PDZD9: variants seen among roughly 807,000 people sequenced by gnomAD.
PDZD9 encodes the protein PDZ domain-containing protein 9.
Under a neutral mutation model 16.3 loss-of-function variants are expected in PDZD9, and 13 were observed. That is an observed-to-expected ratio of 0.80 (90% CI 0.52 to 1.27). PDZD9 has a LOEUF of 1.27. Among genes scored for constraint, PDZD9 ranks in the 50% most tolerant of loss-of-function variants. The probability of loss-of-function intolerance (pLI) is 0.00; values close to 1 mark genes in which losing one functional copy is unlikely to be tolerated. For missense variants in PDZD9, 288 were observed against 310.9 expected (o/e 0.93, Z 0.55); for synonymous variants, 120 against 111.0 (o/e 1.08, Z -0.51).
the PDZD9 span, among the ~76,000 whole-genome samples, chr16:21,970,702 C>T: frequency 6.6e-6 from 1 of 152,202 alleles, no homozygotes; most frequent in Non-Finnish European, 1.5e-5. Flanking sequence ...TCTCCGGCCT[C>T]AGCCTCCCGA....
At chr16:21,982,189 T>C (rs1013731250), downstream of PDZD9, among the ~76,000 whole-genome samples, 7 of 152,086 alleles carry the variant, frequency 4.6e-5, no homozygotes, top group Non-Finnish European at 1.0e-4. Flanking sequence ...CCTATCATTA[T>C]GTGCGTCCCA....
At chr16:21,970,334 G>A in the PDZD9 span, among the ~76,000 whole-genome samples, 32 of 152,236 alleles carry the variant, frequency 2.1e-4, no homozygotes, top group African/African-American at 7.7e-4. Context: ...AGGACATATG[G>A]TAACTCTGTT....
chr16:21,990,317 C>T (rs1321955386), intron 2 of PDZD9, among the ~76,000 whole-genome samples: 1 of 152,106 alleles, frequency 6.6e-6, no homozygotes, highest in Non-Finnish European at 1.5e-5. Flanking sequence ...TGAAGCCTAA[C>T]CTCAAAGAAG....
intron 3 of PDZD9, among the ~76,000 whole-genome samples, chr16:21,987,166 A>G (rs1487516670): frequency 6.6e-6 from 1 of 152,190 alleles, no homozygotes; most frequent in African/African-American, 2.4e-5. Flanking sequence ...CATGCCTGTA[A>G]TCCAACACTT....
the PDZD9 span, among the ~76,000 whole-genome samples, chr16:21,964,390 C>A: frequency 2.6e-5 from 4 of 152,122 alleles, no homozygotes. Context: ...ACGGCCATTA[C>A]AGTGATCCTT....
downstream of PDZD9, chr16:21,983,330 A>G (rs1597972967): frequency 1.2e-5 from 7 of 594,696 alleles, no homozygotes; most frequent in East Asian, 2.1e-4. Context: ...CCTAAAGTCA[A>G]TAAAACATTC....
chr16:21,961,444 CA>C, the PDZD9 span: 7 of 260,452 alleles, frequency 2.7e-5, no homozygotes, highest in East Asian at 2.4e-4. Context: ...TGTGAACAAG[CA>C]AGTTTCAAGA....
At chr16:21,962,385 G>T in the PDZD9 span, 1 of 1,540,354 alleles carries the variant, frequency 6.5e-7, no homozygotes, top group Non-Finnish European at 8.9e-7. Flanking sequence ...CAAAGGAATT[G>T]GTTGATAGAA....
At chr16:21,975,327 G>GATCTT in the PDZD9 span, among the ~76,000 whole-genome samples, 3 of 152,150 alleles carry the variant, frequency 2.0e-5, no homozygotes, top group East Asian at 5.8e-4. Context: ...GGAAGAATAA[G>GATCTT]GATAGTGAGA....
At chr16:21,995,267 G>C (rs939695215) in intron 2 of PDZD9, 1 of 456,828 alleles carries the variant, frequency 2.2e-6, no homozygotes, top group Admixed American at 2.4e-5. Context: ...TGCCATGATT[G>C]TAAGTTTCCT....
At chr16:21,980,728 A>G, downstream of PDZD9, 2 of 1,611,256 alleles carry the variant, frequency 1.2e-6, no homozygotes, top group Non-Finnish European at 1.7e-6. Context: ...TAACGATTTA[A>G]CAACAGAGAA....
At chr16:21,988,076 C>T (rs1183687771) in intron 3 of PDZD9, among the ~76,000 whole-genome samples, 7 of 139,230 alleles carry the variant, frequency 5.0e-5, no homozygotes, top group South Asian at 2.2e-4. Context: ...GGTGCGATCT[C>T]GGCTCACTGC....
chr16:21,973,061 C>T, the PDZD9 span, among the ~76,000 whole-genome samples: 1 of 152,198 alleles, frequency 6.6e-6, no homozygotes, highest in Non-Finnish European at 1.5e-5. Flanking sequence ...GATCGTGCCA[C>T]TGCACTCCAG....
At chr16:22,000,972 C>T (rs1363104206) in intron 1 of PDZD9, 45 bp downstream of exon 1, 5 of 1,525,592 alleles carry the variant, frequency 3.3e-6, no homozygotes, top group South Asian at 2.4e-5. Context: ...TTGACGAAGG[C>T]TTGGTCCCCA....
the PDZD9 span, chr16:21,971,755 A>G: frequency 7.6e-7 from 1 of 1,317,942 alleles, no homozygotes; most frequent in East Asian, 2.4e-5. Context: ...TGGGTGTTGT[A>G]TTTTGAGCAT....
downstream of PDZD9, among the ~76,000 whole-genome samples, chr16:21,981,239 C>G (rs1898719564): frequency 6.6e-6 from 1 of 151,966 alleles, no homozygotes; most frequent in Non-Finnish European, 1.5e-5. Flanking sequence ...TATTATTGTT[C>G]CCTACAATAT....
chr16:21,974,204 G>T, the PDZD9 span, among the ~76,000 whole-genome samples: 2 of 152,140 alleles, frequency 1.3e-5, no homozygotes, highest in African/African-American at 2.4e-5. Flanking sequence ...TTTTGGTTCT[G>T]GTTGGACAAG....
At chr16:21,965,336 C>G in the PDZD9 span, 1 of 1,443,802 alleles carries the variant, frequency 6.9e-7, no homozygotes, top group Admixed American at 1.7e-5. Context: ...AGGCTTGTTG[C>G]TTTCTAGGTT....
At chr16:21,961,626 T>TTATATATATATATATATA in the PDZD9 span, among the ~76,000 whole-genome samples, 284 of 64,346 alleles carry the variant, frequency 4.4e-3, 8 homozygotes, top group Middle Eastern at 0.011. Context: ...AACATAAAAT[T>TTATATATATATATATATA]TATATATATA....
Sources: allele counts gnomAD v4.1 joint callset (sites outside exome capture counted in the v4.1 genomes callset), GRCh38; gene constraint gnomAD v4.1.1; transcripts MANE v1.5; gene names NCBI Gene and HGNC (gene_info 2026-07-23, HGNC 2026-07-21).